The following SLC35F4 variants were observed in gnomAD, a reference collection of about 807,000 sequenced individuals.
SLC35F4 encodes chromosome 14 open reading frame 36.
Under a neutral mutation model 44.2 loss-of-function variants are expected in SLC35F4, and 24 were observed. The observed-to-expected ratio is 0.54, with a 90% CI of 0.39 to 0.76. The LOEUF (loss-of-function observed/expected upper bound fraction) is 0.76. Ranked by LOEUF, SLC35F4 falls within the 30% of genes least tolerant of loss-of-function variation. The pLI, the probability that SLC35F4 is intolerant of heterozygous loss-of-function variation, is 0.00. For synonymous variants in SLC35F4, 238 were observed against 223.6 expected, an observed-to-expected ratio of 1.06 and a Z score of -0.57; for missense variants, 562 against 586.1, an observed-to-expected ratio of 0.96 and a Z score of 0.42.
intron 1 of SLC35F4, among the ~76,000 whole-genome samples, chr14:57,754,434 G>A (rs1412409408): frequency 7.9e-5 from 12 of 152,124 alleles, no homozygotes; most frequent in Admixed American, 7.9e-4. Context: ...TTGTAACTTA[G>A]ATGTTGGTTC....
At chr14:57,912,764 T>G (rs1229669801) in intron 1 of SLC35F4, among the ~76,000 whole-genome samples, 1 of 152,062 alleles carries the variant, frequency 6.6e-6, no homozygotes, top group Non-Finnish European at 1.5e-5. Flanking sequence ...GAATAGGCTA[T>G]AGATGTCAAT....
chr14:57,656,359 GTATA>G (rs71450330), intron 1 of SLC35F4, among the ~76,000 whole-genome samples: 3,577 of 136,348 alleles, frequency 0.026, 74 homozygotes, highest in South Asian at 0.085. Context: ...TGTCCTTAGA[GTATA>G]TATATATATA....
intron 1 of SLC35F4, among the ~76,000 whole-genome samples, chr14:57,838,899 T>C (rs1885208353): frequency 6.6e-6 from 1 of 152,094 alleles, no homozygotes; most frequent in Admixed American, 6.6e-5. Flanking sequence ...CACATGAGAA[T>C]GGCATGAATA....
chr14:57,957,021 C>T (rs1302751193), intron 1 of SLC35F4, among the ~76,000 whole-genome samples: 4 of 152,148 alleles, frequency 2.6e-5, no homozygotes, highest in Admixed American at 6.5e-5. Context: ...TTCACAATAG[C>T]TAAGACTTGG....
At chr14:57,831,006 A>C (rs1181767877) in intron 1 of SLC35F4, among the ~76,000 whole-genome samples, 1 of 152,168 alleles carries the variant, frequency 6.6e-6, no homozygotes, top group African/African-American at 2.4e-5. Flanking sequence ...CCTGCTCTTG[A>C]ATGCTGGTGG....
At chr14:57,975,471 C>A (rs10131979), downstream of SLC35F4, among the ~76,000 whole-genome samples, 1,012 of 152,304 alleles carry the variant, frequency 6.6e-3, 15 homozygotes, top group African/African-American at 0.023. Context: ...GTATGGGACA[C>A]CTGGAGATTG....
At chr14:57,696,335 A>T (rs536408121) in intron 1 of SLC35F4, among the ~76,000 whole-genome samples, 69 of 152,358 alleles carry the variant, frequency 4.5e-4, no homozygotes, top group African/African-American at 1.6e-3. Flanking sequence ...ATCACTGGTC[A>T]TTAGAGAAAC....
In SLC35F4 at chr14:57,876,445, G is replaced by A. The variant is rs964469233; in HGVS notation, n.282+105468C>T. ...TGGCTGCTGAAAAAAATGAGAGCGC[G>A]AGGGAGTTATTTCTGTGACTCAGAA... On this transcript the variant is annotated intron_variant and non_coding_transcript_variant, in intron 1 of 1. Transcript: ENST00000556568. Among the ~76,000 whole-genome samples, 12 of 152,102 alleles carry A rather than the reference G, an allele frequency of 7.9e-5. No individual in the cohort carries two copies. In the East Asian group the frequency reaches 9.7e-4, roughly 12 times the overall value.
At chr14:57,584,263 C>T (rs1239441381) in intron 3 of SLC35F4, among the ~76,000 whole-genome samples, 1 of 151,930 alleles carries the variant, frequency 6.6e-6, no homozygotes, top group African/African-American at 2.4e-5. Context: ...CAGTCCTTAC[C>T]ATCTAGATTT....
chr14:57,852,637 A>T (rs1886685520), intron 1 of SLC35F4, among the ~76,000 whole-genome samples: 1 of 152,214 alleles, frequency 6.6e-6, no homozygotes, highest in Admixed American at 6.5e-5. Flanking sequence ...AGTCTGTGGG[A>T]ATAATAATGT....
intron 1 of SLC35F4, among the ~76,000 whole-genome samples, chr14:57,804,959 T>C (rs532283609): frequency 1.3e-5 from 2 of 151,872 alleles, no homozygotes; most frequent in Admixed American, 1.3e-4. Flanking sequence ...AAGTAGGCAA[T>C]GGACATGAAC....
intron 1 of SLC35F4, among the ~76,000 whole-genome samples, chr14:57,966,101 T>C (rs1890432734): frequency 6.6e-6 from 1 of 152,212 alleles, no homozygotes; most frequent in South Asian, 2.1e-4. Context: ...ATCTGCATTT[T>C]AAAGAGTTCT....
chr14:57,670,899 A>ATTTT (rs1566746899), intron 1 of SLC35F4, among the ~76,000 whole-genome samples: 4 of 97,298 alleles, frequency 4.1e-5, no homozygotes, highest in Non-Finnish European at 8.4e-5. Flanking sequence ...TAACTCATTC[A>ATTTT]TTCTTTTTTT....
At chr14:57,861,238 C>G (rs1887653430) in intron 1 of SLC35F4, among the ~76,000 whole-genome samples, 1 of 152,144 alleles carries the variant, frequency 6.6e-6, no homozygotes, top group Admixed American at 6.6e-5. Context: ...TTGGAGAAGA[C>G]TGCAGCAACC....
intron 1 of SLC35F4, among the ~76,000 whole-genome samples, chr14:57,757,958 CTTCA>C (rs1367073600): frequency 6.8e-6 from 1 of 146,632 alleles, no homozygotes; most frequent in African/African-American, 2.5e-5. Flanking sequence ...TTTATTTCTC[CTTCA>C]TTTAGAAATT....
intron 1 of SLC35F4, among the ~76,000 whole-genome samples, chr14:57,718,208 G>C (rs2075992969): frequency 6.6e-6 from 1 of 152,128 alleles, no homozygotes; most frequent in Non-Finnish European, 1.5e-5. Flanking sequence ...GTACTCTATT[G>C]TGTATAAATA....
intron 1 of SLC35F4, among the ~76,000 whole-genome samples, chr14:57,944,224 CA>C (rs1377832823): frequency 1.3e-5 from 2 of 152,154 alleles, no homozygotes; most frequent in Non-Finnish European, 2.9e-5. Context: ...TTATCCAATT[CA>C]TTTTATTTTC....
intron 1 of SLC35F4, among the ~76,000 whole-genome samples, chr14:57,825,956 T>G (rs1388142298): frequency 2.0e-5 from 3 of 152,164 alleles, no homozygotes; most frequent in Non-Finnish European, 2.9e-5. Context: ...ATTTATAGAT[T>G]TATTGCTATT....
At chr14:57,574,039 C>T (rs947360373) in intron 4 of SLC35F4, among the ~76,000 whole-genome samples, 3 of 152,090 alleles carry the variant, frequency 2.0e-5, no homozygotes, top group Admixed American at 6.5e-5. Context: ...GTATGTAATT[C>T]TGGGTTTAGA....
Sources: allele counts gnomAD v4.1 joint callset (sites outside exome capture counted in the v4.1 genomes callset), GRCh38; gene constraint gnomAD v4.1.1; transcripts MANE v1.5; gene names NCBI Gene and HGNC (gene_info 2026-07-23, HGNC 2026-07-21).